SPTSSA: variants seen among roughly 807,000 people sequenced by gnomAD.
SPTSSA encodes small subunit of serine palmitoyltransferase A.
A neutral mutation model predicts 9.1 loss-of-function variants in SPTSSA; 8 were observed. The observed-to-expected ratio is 0.88, with a 90% CI of 0.51 to 1.58. The LOEUF (loss-of-function observed/expected upper bound fraction) is 1.58, where lower values mean the gene tolerates loss of function less well. Among genes scored for constraint, SPTSSA ranks in the 40% most tolerant of loss-of-function variants. SPTSSA has a pLI of 0.00. For missense variants in SPTSSA, 100 were observed against 93.8 expected (o/e 1.07, Z -0.27); for synonymous variants, 42 against 37.7 (o/e 1.11, Z -0.41).
intron 1 of SPTSSA, among the ~76,000 whole-genome samples, chr14:34,441,137 G>A (rs1883310406): frequency 6.6e-6 from 1 of 152,184 alleles, no homozygotes; most frequent in Non-Finnish European, 1.5e-5. Context: ...AATGTTGCCA[G>A]GCAAGGCAGT....
Position 34,433,936 on chromosome 14 carries a change from C to T in SPTSSA, c.*1265G>A. 6.7e-6 allele frequency: 1 copy of T among 150,160 alleles called. No homozygotes were observed. Among genetic ancestry groups the T allele is most frequent in the South Asian group, 2.1e-4 (1 of 4,762 alleles). 9.3% of individuals were successfully genotyped at this position (150,160 alleles called of 1,614,324 possible). A position where few individuals can be genotyped will look rare whatever the true frequency, so the allele number is the denominator to read the frequency against. ...CGAGATCATGCTGTTGCACTCCATC[C>T]TGGGCGACAGGGCAAGACTCCGTCT... On this transcript the variant is annotated 3_prime_UTR_variant, in exon 2 of 2. Transcript: ENST00000298130.
chr14:34,462,003 C>T, intron 1 of SPTSSA, 93 bp downstream of exon 1: 1 of 951,304 alleles, frequency 1.1e-6, no homozygotes, highest in Non-Finnish European at 1.3e-6. Context: ...GCCGCCGCTC[C>T]AGCCTCCACC....
chr14:34,435,193 C>CA lies in SPTSSA; in HGVS notation c.*7dup. 6.2e-7 allele frequency: 1 copy of CA among 1,610,242 alleles called. No homozygotes were observed. Among genetic ancestry groups the CA allele is most frequent in the Non-Finnish European group, 8.5e-7 (1 of 1,177,294 alleles). On this transcript the variant is annotated 3_prime_UTR_variant, in exon 2 of 2. Transcript: ENST00000298130. ...CCCAAGGAACCTCTGATCCTGGTCG[C>CA]ATCTTGGTCATTGTACGATTTCAAA...
chr14:34,456,772 A>G (rs930928055), intron 1 of SPTSSA, among the ~76,000 whole-genome samples: 2 of 151,058 alleles, frequency 1.3e-5, no homozygotes, highest in Admixed American at 6.6e-5. Flanking sequence ...GGTGGCACAC[A>G]CCTGTAGTCC....
chr14:34,443,659 C>A (rs1377375742), intron 1 of SPTSSA, among the ~76,000 whole-genome samples: 2 of 151,960 alleles, frequency 1.3e-5, no homozygotes, highest in African/African-American at 4.8e-5. Flanking sequence ...CTTCAGCCCC[C>A]CAAGTAGCTG....
intron 1 of SPTSSA, among the ~76,000 whole-genome samples, chr14:34,450,723 C>T (rs28493719): frequency 0.035 from 5,376 of 152,264 alleles, 283 homozygotes; most frequent in African/African-American, 0.11. Context: ...TGAGCCTTTG[C>T]TTCCAGCCAT....
rs2138813515 is a variant in SPTSSA, at chr14:34,434,098, T to G, written c.*1103A>C. Reference sequence around the variant, plus strand: ...TTATCTGGTCCTCCACAGAAAATAATTCAGCAATATAAATACTAGATCAAT... The same window carrying G: ...TTATCTGGTCCTCCACAGAAAATAAGTCAGCAATATAAATACTAGATCAAT... On this transcript the variant is annotated 3_prime_UTR_variant, in exon 2 of 2. Coordinates refer to ENST00000298130, the MANE Select transcript of SPTSSA (RefSeq NM_138288.4). 1 of 152,110 alleles carries G rather than the reference T, an allele frequency of 6.6e-6. No individual in the cohort carries two copies. The allele number at this position is 152,110 out of a possible 1,614,324, so 9.4% of individuals were successfully genotyped here.
chr14:34,456,672 C>A (rs918849855), intron 1 of SPTSSA, among the ~76,000 whole-genome samples: 1 of 151,956 alleles, frequency 6.6e-6, no homozygotes, highest in Non-Finnish European at 1.5e-5. Flanking sequence ...CTGAGGCAGG[C>A]AGATCACCTG....
intron 1 of SPTSSA, among the ~76,000 whole-genome samples, chr14:34,447,836 A>G (rs1390873597): frequency 6.6e-6 from 1 of 152,198 alleles, no homozygotes; most frequent in Non-Finnish European, 1.5e-5. Flanking sequence ...TCCACCTCTG[A>G]AGTTCCCATT....
chr14:34,462,128 T>C lies in SPTSSA; in HGVS notation c.80A>G (p.Tyr27Cys). 4 of 1,524,098 alleles carry C rather than the reference T, an allele frequency of 2.6e-6. No homozygotes were observed. The highest frequency in any genetic ancestry group is 3.5e-6 in the Non-Finnish European group (4 of 1,131,218). The allele number at this position is 1,524,098 out of a possible 1,614,324, so 94.4% of individuals were successfully genotyped here. The part of the protein sequence containing the change: ...YYQYLLVTAL[Y>C]MLEPWERTVF... ...CGTCCGCTCCCAGGGCTCCAGCATG[T>C]AGAGCGCCGTGACCAGCAGGTACTG... The change falls in exon 1 of 2, where the codon TAC (tyrosine) becomes TGC (cysteine). Residue 27 changes from tyrosine (Y) to cysteine (C), a missense_variant. Physicochemically the swap from Tyr to Cys is radical, Grantham distance 194. Coordinates refer to ENST00000298130, the MANE Select transcript of SPTSSA (RefSeq NM_138288.4).
chr14:34,445,010 C>T (rs1883396017), intron 1 of SPTSSA, among the ~76,000 whole-genome samples: 1 of 151,336 alleles, frequency 6.6e-6, no homozygotes, highest in East Asian at 2.0e-4. Flanking sequence ...GAGAATCACT[C>T]AAACTGGGAG....
At position 34,433,312 on chromosome 14, in the gene SPTSSA, T is replaced by C. The variant is rs1883187159; in HGVS notation, c.*1889A>G. 4.6e-5 allele frequency: 7 copies of C among 152,272 alleles called. No individual in the cohort carries two copies. The South Asian group carries it at 1.5e-3, about 32-fold the overall frequency. 9.4% of individuals were successfully genotyped at this position (152,272 alleles called of 1,614,324 possible). A position where few individuals can be genotyped will look rare whatever the true frequency, so the allele number is the denominator to read the frequency against. On this transcript the variant is annotated 3_prime_UTR_variant, in exon 2 of 2. Coordinates refer to ENST00000298130, the MANE Select transcript of SPTSSA (RefSeq NM_138288.4). The stretch of plus-strand genomic sequence containing the variant: ...CCAGGATAGGTCACCTGGATACTCA[T>C]TGAAACTAATGATTCTCAACTTCTC...
At chr14:34,439,755 T>C (rs1883290635) in intron 1 of SPTSSA, among the ~76,000 whole-genome samples, 2 of 152,232 alleles carry the variant, frequency 1.3e-5, no homozygotes, top group Non-Finnish European at 2.9e-5. Context: ...TGTCTGGTAC[T>C]AGTTAAGCAC....
intron 1 of SPTSSA, among the ~76,000 whole-genome samples, chr14:34,459,717 G>T (rs1175993782): frequency 6.6e-6 from 1 of 152,082 alleles, no homozygotes; most frequent in African/African-American, 2.4e-5. Context: ...GGAGGCGGAG[G>T]TTGCAGTGAG....
At chr14:34,453,197 G>A (rs1883558603) in intron 1 of SPTSSA, among the ~76,000 whole-genome samples, 1 of 152,220 alleles carries the variant, frequency 6.6e-6, no homozygotes, top group South Asian at 2.1e-4. Context: ...ACTGCCTGCA[G>A]GGTGAGGATG....
At chr14:34,453,510 C>T (rs977041982) in intron 1 of SPTSSA, among the ~76,000 whole-genome samples, 8 of 152,212 alleles carry the variant, frequency 5.3e-5, no homozygotes, top group Admixed American at 2.6e-4. Flanking sequence ...TTTGTCCATG[C>T]TTTGTTCATG....
intron 1 of SPTSSA, among the ~76,000 whole-genome samples, chr14:34,455,494 G>A (rs766726265): frequency 6.6e-6 from 1 of 152,320 alleles, no homozygotes; most frequent in South Asian, 2.1e-4. Flanking sequence ...CGAGGCAGGG[G>A]TGGAAGGAAG....
At chr14:34,461,640 C>T (rs74046057) in intron 1 of SPTSSA, among the ~76,000 whole-genome samples, 41,623 of 152,118 alleles carry the variant, frequency 0.27, 7,028 homozygotes, top group African/African-American at 0.48. Context: ...AGTTAACTGA[C>T]TAGAATTCTT....
intron 1 of SPTSSA, among the ~76,000 whole-genome samples, chr14:34,442,602 A>T (rs1883336798): frequency 6.6e-6 from 1 of 152,236 alleles, no homozygotes; most frequent in East Asian, 1.9e-4. Flanking sequence ...GTTGCAATGA[A>T]TGCTGTTTGG....
Sources: gnomAD v4.1 joint callset for allele counts (sites outside exome capture counted in the v4.1 genomes callset) on GRCh38, gnomAD v4.1.1 for gene constraint, MANE v1.5 for transcripts, NCBI Gene and HGNC (gene_info 2026-07-23, HGNC 2026-07-21) for gene names.